The following GREM2 variants were observed in gnomAD, a reference collection of about 807,000 sequenced individuals.
The protein encoded by GREM2 is gremlin-2.
GREM2 carries 11 observed loss-of-function variants against 14.2 expected under a neutral mutation model. The observed-to-expected ratio is 0.78, with a 90% CI of 0.49 to 1.28. The LOEUF is 1.28. GREM2 is among the 50% of genes most tolerant of loss of function. GREM2 has a pLI of 0.00. For missense variants in GREM2, 210 were observed against 218.5 expected (o/e 0.96, Z 0.24); for synonymous variants, 98 against 97.6 (o/e 1.00, Z -0.02).
Position 240,493,398 on chromosome 1 carries a change from C to A in GREM2, c.78G>T (p.Pro26=). Residue 26 remains proline (P), a synonymous_variant, in exon 2 of 2, where the codon CCG becomes CCT. Transcript: ENST00000318160. ...TGTAAGGCGAGGGGATGGCGCCCGC[C>A]GGCCGGTTCTTCCGGGCTTCCGCCA... ...VKVAEARKNR[P]AGAIPSPYKD... The A allele has an allele frequency of 6.2e-7, 1 of 1,613,556 alleles. No individual in the cohort carries two copies. The highest frequency in any genetic ancestry group is 8.5e-7 in the Non-Finnish European group (1 of 1,179,922).
At chr1:240,580,117 G>A (rs1679456517) in intron 1 of GREM2, among the ~76,000 whole-genome samples, 2 of 152,174 alleles carry the variant, frequency 1.3e-5, no homozygotes, top group African/African-American at 4.8e-5. Flanking sequence ...CTGGCTGGGT[G>A]TGGTGGCTCA....
chr1:240,547,914 T>C (rs1186004596), intron 1 of GREM2, among the ~76,000 whole-genome samples: 1 of 151,626 alleles, frequency 6.6e-6, no homozygotes, highest in Non-Finnish European at 1.5e-5. Flanking sequence ...ATACTAAATA[T>C]GTTATCTGAT....
intron 1 of GREM2, among the ~76,000 whole-genome samples, chr1:240,507,982 A>G (rs1677719583): frequency 6.6e-6 from 1 of 152,232 alleles, no homozygotes; most frequent in Admixed American, 6.5e-5. Flanking sequence ...GACCCACAGC[A>G]TTGGGAACCC....
At chr1:240,536,001 G>A (rs905516781) in intron 1 of GREM2, among the ~76,000 whole-genome samples, 16 of 152,146 alleles carry the variant, frequency 1.1e-4, no homozygotes, top group Admixed American at 8.5e-4. Context: ...TTGGGAACAC[G>A]TAGGACCTGA....
intron 1 of GREM2, among the ~76,000 whole-genome samples, chr1:240,611,466 G>A (rs567807766): frequency 6.6e-6 from 1 of 152,268 alleles, no homozygotes; most frequent in East Asian, 1.9e-4. Context: ...ATTCCTGTAG[G>A]GAGGATATTA....
chr1:240,600,889 T>C (rs1246926831), intron 1 of GREM2, among the ~76,000 whole-genome samples: 1 of 152,210 alleles, frequency 6.6e-6, no homozygotes, highest in Non-Finnish European at 1.5e-5. Flanking sequence ...TCTGGTTCCA[T>C]AAATAATTGT....
intron 1 of GREM2, among the ~76,000 whole-genome samples, chr1:240,512,506 C>CTTAAAGTGAGCTTCCCTGACCAGTA (rs1558143720): frequency 3.3e-5 from 1 of 30,442 alleles, no homozygotes; most frequent in Non-Finnish European, 5.4e-5. Context: ...ATCTTGATCT[C>CTTAAAGTGAGCTTCCCTGACCAGTA]ACACATGAGC....
intron 1 of GREM2, among the ~76,000 whole-genome samples, chr1:240,521,307 G>A (rs565045820): frequency 5.3e-4 from 81 of 152,254 alleles, no homozygotes; most frequent in Non-Finnish European, 4.3e-4. Context: ...GGTGGCTCAC[G>A]CCTGTAATCC....
chr1:240,592,969 A>G (rs536760019), intron 1 of GREM2, among the ~76,000 whole-genome samples: 1 of 142,292 alleles, frequency 7.0e-6, no homozygotes, highest in East Asian at 2.0e-4. Flanking sequence ...CCCCGTCTCT[A>G]TTAAAACTAC....
Position 240,492,881 on chromosome 1 carries a change from A to G in GREM2, c.*88T>C. 1 of 1,239,834 alleles carries G rather than the reference A, an allele frequency of 8.1e-7. No individual in the cohort carries two copies. Among genetic ancestry groups the G allele is most frequent in the Non-Finnish European group, 1.0e-6 (1 of 971,170 alleles). The allele number at this position is 1,239,834 out of a possible 1,614,324, so 76.8% of individuals were successfully genotyped here. A position where few individuals can be genotyped will look rare whatever the true frequency, so the allele number is the denominator to read the frequency against. Reference sequence around the variant, plus strand: ...GAGGGGGAACACCAGGCAGCGTGACAGTGGGCTCGGAGGGCAGGGACAGAG... The same window carrying G: ...GAGGGGGAACACCAGGCAGCGTGACGGTGGGCTCGGAGGGCAGGGACAGAG... On this transcript the variant is annotated 3_prime_UTR_variant, in exon 2 of 2. Coordinates refer to ENST00000318160, the MANE Select transcript of GREM2 (RefSeq NM_022469.4).
At chr1:240,588,829 C>T (rs904181204) in intron 1 of GREM2, 7 of 152,072 alleles carry the variant, frequency 4.6e-5, no homozygotes, top group African/African-American at 1.2e-4. Context: ...AGTTTGTTTC[C>T]GGCTGGGCTG....
At chr1:240,514,860 G>T (rs1356478069) in intron 1 of GREM2, among the ~76,000 whole-genome samples, 4 of 152,094 alleles carry the variant, frequency 2.6e-5, no homozygotes, top group African/African-American at 9.7e-5. Flanking sequence ...AATCTCCTCT[G>T]CACTCCAGCC....
At chr1:240,607,620 C>G (rs1680053935) in intron 1 of GREM2, among the ~76,000 whole-genome samples, 2 of 152,206 alleles carry the variant, frequency 1.3e-5, no homozygotes, top group African/African-American at 4.8e-5. Flanking sequence ...TGAGCACGCT[C>G]TTAGCAGAGA....
chr1:240,510,485 A>G (rs1049202154), intron 1 of GREM2, among the ~76,000 whole-genome samples: 1 of 151,196 alleles, frequency 6.6e-6, no homozygotes, highest in Non-Finnish European at 1.5e-5. Flanking sequence ...GGGAAAGGAC[A>G]GCTCCTTAAT....
chr1:240,498,195 A>T (rs1175862747), intron 1 of GREM2, among the ~76,000 whole-genome samples: 1 of 152,184 alleles, frequency 6.6e-6, no homozygotes, highest in Non-Finnish European at 1.5e-5. Context: ...ACTCATTAAC[A>T]TGTTTTCAAA....
At chr1:240,586,388 G>T (rs578247264) in intron 1 of GREM2, among the ~76,000 whole-genome samples, 1 of 152,264 alleles carries the variant, frequency 6.6e-6, no homozygotes, top group Non-Finnish European at 1.5e-5. Context: ...TCCTTTCTCT[G>T]TGAAGAACAA....
rs1246587796 is a variant in GREM2 at position 240,541,000 on chromosome 1, A to T, written c.-1-47524T>A. The stretch of plus-strand genomic sequence containing the variant: ...TGGCACCTTCCTAGTTTGGCTTTCC[A>T]GATTGAAAGAATCTGGAATACCCTG... On this transcript the variant is annotated intron_variant, in intron 1 of 1. Coordinates refer to ENST00000318160, the MANE Select transcript of GREM2 (RefSeq NM_022469.4). This position sits in a 1 kb window ranked among gnomAD's most constrained non-coding sequence, Gnocchi z 4.2. Among the ~76,000 whole-genome samples the T allele has an allele frequency of 6.6e-6, 1 of 152,204 alleles. No individual in the cohort carries two copies. The highest frequency in any genetic ancestry group is 2.4e-5 in the African/African-American group (1 of 41,446).
intron 1 of GREM2, chr1:240,549,794 G>A (rs145484824): frequency 6.6e-6 from 1 of 152,520 alleles, no homozygotes; most frequent in East Asian, 1.9e-4. Context: ...ATGAAAAGCA[G>A]TGTGGCCATC....
Position 240,492,220 on chromosome 1 carries a change from C to T in GREM2, c.*749G>A, listed in dbSNP as rs1677268617. On this transcript the variant is annotated 3_prime_UTR_variant, in exon 2 of 2. Coordinates refer to ENST00000318160, the MANE Select transcript of GREM2 (RefSeq NM_022469.4). ...AATATTCTAATTGCAGCAATAATAG[C>T]ATGCACACCAGAGTTCATCTTTAGT... 1 of 453,132 alleles carries T rather than the reference C, an allele frequency of 2.2e-6. No individual in the cohort carries two copies. The highest frequency in any genetic ancestry group is 7.0e-5 in the East Asian group (1 of 14,350). 28.1% of individuals were successfully genotyped at this position (453,132 alleles called of 1,614,324 possible).
Sources: allele counts gnomAD v4.1 joint callset (sites outside exome capture counted in the v4.1 genomes callset), GRCh38; gene constraint gnomAD v4.1.1; non-coding constraint Gnocchi (gnomAD v3.1); transcripts MANE v1.5; gene names NCBI Gene and HGNC (gene_info 2026-07-23, HGNC 2026-07-21).